The following OXR1 variants were observed in gnomAD, a reference collection of about 807,000 sequenced individuals.
OXR1 encodes oxidation resistance 1.
In OXR1, 41 loss-of-function variants were observed where a neutral mutation model predicts 104.6. That is an observed-to-expected ratio of 0.39 (90% confidence interval 0.31 to 0.51). The LOEUF (loss-of-function observed/expected upper bound fraction) is 0.51. Among genes scored for constraint, OXR1 ranks in the 20% least tolerant of loss-of-function variants. The pLI is 0.77. For synonymous variants in OXR1, 348 were observed against 348.4 expected, an observed-to-expected ratio of 1.00 and a Z score of 0.01; for missense variants, 955 against 1,031.9, an observed-to-expected ratio of 0.93 and a Z score of 1.02.
chr8:106,424,375 G>A (rs1040215455), intron 2 of OXR1, among the ~76,000 whole-genome samples: 3 of 151,964 alleles, frequency 2.0e-5, no homozygotes, highest in Non-Finnish European at 2.9e-5. Flanking sequence ...ATTCAAATGG[G>A]TTCAGATTAT....
chr8:106,689,161 T>TACGACCATGCTCCTTTTGAA (rs1255073931), intron 6 of OXR1, among the ~76,000 whole-genome samples: 2 of 152,156 alleles, frequency 1.3e-5, no homozygotes, highest in African/African-American at 4.8e-5. Flanking sequence ...AGACTATTGG[T>TACGACCATGCTCCTTTTGAA]ACGACCATGC....
At chr8:106,658,269 G>T (rs1825358404) in intron 3 of OXR1, 2 of 1,222,074 alleles carry the variant, frequency 1.6e-6, no homozygotes, top group African/African-American at 3.1e-5. Flanking sequence ...GCCGGGCGGG[G>T]GTCGCTGCCC....
At chr8:106,427,697 G>A (rs184617011) in intron 2 of OXR1, among the ~76,000 whole-genome samples, 7 of 152,272 alleles carry the variant, frequency 4.6e-5, no homozygotes, top group African/African-American at 1.7e-4. Context: ...GGGGCTATGT[G>A]AAGACTATGT....
chr8:106,462,040 C>G (rs1434888004), intron 2 of OXR1, among the ~76,000 whole-genome samples: 1 of 152,044 alleles, frequency 6.6e-6, no homozygotes, highest in Non-Finnish European at 1.5e-5. Context: ...TTAATGTCTT[C>G]TTTTTCTAAT....
intron 2 of OXR1, among the ~76,000 whole-genome samples, chr8:106,496,491 C>T (rs1026607605): frequency 5.3e-5 from 8 of 152,180 alleles, no homozygotes; most frequent in South Asian, 2.1e-4. Flanking sequence ...CTCCATGTCT[C>T]CTCAATCCAG....
At chr8:106,551,843 C>CATATATGTGTATATATATGTGTGT (rs1815845928) in intron 3 of OXR1, among the ~76,000 whole-genome samples, 1 of 116,796 alleles carries the variant, frequency 8.6e-6, no homozygotes, top group Non-Finnish European at 1.8e-5. Flanking sequence ...TATATGTGTA[C>CATATATGTGTATATATATGTGTGT]ATATATGTGT....
intron 3 of OXR1, among the ~76,000 whole-genome samples, chr8:106,643,024 T>G (rs1462517334): frequency 2.0e-5 from 3 of 152,248 alleles, no homozygotes; most frequent in Non-Finnish European, 2.9e-5. Flanking sequence ...TCAGTTGACC[T>G]GTGTCTTGTG....
intron 3 of OXR1, among the ~76,000 whole-genome samples, chr8:106,607,407 G>A (rs1427864044): frequency 6.6e-6 from 1 of 152,194 alleles, no homozygotes; most frequent in Non-Finnish European, 1.5e-5. Context: ...GTCAACATTT[G>A]GAGTCAATAG....
intron 6 of OXR1, among the ~76,000 whole-genome samples, chr8:106,692,027 A>G (rs923699505): frequency 5.3e-5 from 8 of 151,412 alleles, no homozygotes; most frequent in Admixed American, 2.0e-4. Flanking sequence ...ACATATATAT[A>G]TAACTATACC....
At chr8:106,451,838 A>G (rs1458118941) in intron 2 of OXR1, among the ~76,000 whole-genome samples, 1 of 152,242 alleles carries the variant, frequency 6.6e-6, no homozygotes, top group Non-Finnish European at 1.5e-5. Flanking sequence ...AATGAATAAA[A>G]CATGATTCCT....
At chr8:106,507,682 G>A (rs1053461181) in intron 2 of OXR1, among the ~76,000 whole-genome samples, 10 of 152,184 alleles carry the variant, frequency 6.6e-5, no homozygotes, top group African/African-American at 2.2e-4. Flanking sequence ...GTGATGTGAA[G>A]TGTTTGCGCT....
chr8:106,425,725 A>T (rs1819090593), intron 2 of OXR1, among the ~76,000 whole-genome samples: 1 of 152,180 alleles, frequency 6.6e-6, no homozygotes, highest in African/African-American at 2.4e-5. Flanking sequence ...GAAGGAAAGG[A>T]AAGCAAATAG....
At position 106,593,984 on chromosome 8, in the gene OXR1, C is replaced by T. The variant is rs1031217455; in HGVS notation, c.220+74845C>T. 2.0e-5 allele frequency among the ~76,000 whole-genome samples: 3 copies of T among 152,094 alleles called. No homozygotes were observed. The South Asian group carries it at 6.2e-4, about 32-fold the overall frequency. ...TTTGTGTAAAAAGAGGGAAACAAAG[C>T]GTAGATGACAGATTTAAGGTACGTC... On this transcript the variant is annotated intron_variant, in intron 3 of 16. Coordinates refer to ENST00000517566, the MANE Select transcript of OXR1 (RefSeq NM_001198533.2).
chr8:106,378,284 C>T (rs1816989717), intron 2 of OXR1, among the ~76,000 whole-genome samples: 3 of 152,138 alleles, frequency 2.0e-5, no homozygotes, highest in Admixed American at 1.3e-4. Flanking sequence ...GCAGCACATC[C>T]AAGTGTCAGA....
intron 3 of OXR1, among the ~76,000 whole-genome samples, chr8:106,644,433 A>C (rs1216222082): frequency 6.6e-6 from 1 of 152,186 alleles, no homozygotes; most frequent in East Asian, 1.9e-4. Context: ...ATGAACCCCT[A>C]AACCTAAGTG....
intron 3 of OXR1, among the ~76,000 whole-genome samples, chr8:106,611,166 GTAAGTTGGGA>G (rs1269420307): frequency 2.0e-5 from 3 of 152,362 alleles, no homozygotes; most frequent in East Asian, 3.9e-4. Context: ...GAGGAGGTAT[GTAAGTTGGGA>G]CCTAAATAGA....
chr8:106,647,657 A>G (rs1367014576), intron 3 of OXR1, among the ~76,000 whole-genome samples: 5 of 152,188 alleles, frequency 3.3e-5, no homozygotes, highest in African/African-American at 1.2e-4. Context: ...TCAGATTGTC[A>G]GTCTGCTTTA....
Position 106,690,689 on chromosome 8 carries a change from T to G in OXR1, c.526-2039T>G, listed in dbSNP as rs75139212. On this transcript the variant is annotated intron_variant, in intron 6 of 16. Transcript: ENST00000517566. ...TTATTCTGTATTTGATTTTAAACAT[T>G]CTTAAGTTCTTGGTCCCAGGAAGTA... 2.3e-3 allele frequency among the ~76,000 whole-genome samples: 355 copies of G among 151,992 alleles called. 2 individuals carry two copies. The highest frequency in any genetic ancestry group is 8.3e-3 in the African/African-American group (344 of 41,542).
At chr8:106,318,038 G>A (rs895145930) in intron 1 of OXR1, among the ~76,000 whole-genome samples, 1 of 152,048 alleles carries the variant, frequency 6.6e-6, no homozygotes, top group Non-Finnish European at 1.5e-5. Context: ...AATAATGATA[G>A]CATTAAACTG....
Sources: gnomAD v4.1 joint callset for allele counts (sites outside exome capture counted in the v4.1 genomes callset) on GRCh38, gnomAD v4.1.1 for gene constraint, MANE v1.5 for transcripts, NCBI Gene and HGNC (gene_info 2026-07-23, HGNC 2026-07-21) for gene names.